The following NEDD4L variants were observed in gnomAD, a reference collection of about 807,000 sequenced individuals.
The protein encoded by NEDD4L is NEDD4 like E3 ubiquitin protein ligase.
Under a neutral mutation model 148.9 loss-of-function variants are expected in NEDD4L, and 54 were observed. The ratio of observed to expected loss-of-function variants is 0.36; its 90% CI spans 0.29 to 0.45. The LOEUF (loss-of-function observed/expected upper bound fraction) is 0.45, where lower values mean the gene tolerates loss of function less well. NEDD4L is among the 20% of genes least tolerant of loss of function. NEDD4L has a pLI of 1.00. For missense variants in NEDD4L, 856 were observed against 1,233.8 expected, an observed-to-expected ratio of 0.69 and a Z score of 4.59; for synonymous variants, 433 against 440.7, an observed-to-expected ratio of 0.98 and a Z score of 0.22.
chr18:58,289,561 C>T (rs923009617), intron 5 of NEDD4L, among the ~76,000 whole-genome samples: 4 of 152,134 alleles, frequency 2.6e-5, no homozygotes, highest in Non-Finnish European at 5.9e-5. Context: ...GCAAGCATGC[C>T]TCTCGAGGTG....
At chr18:58,075,136 G>T (rs774490544) in intron 1 of NEDD4L, among the ~76,000 whole-genome samples, 1 of 152,210 alleles carries the variant, frequency 6.6e-6, no homozygotes, top group African/African-American at 2.4e-5. Flanking sequence ...GGACCAGAAA[G>T]CGTCGTAGTA....
At chr18:58,064,211 G>A (rs1027906451) in intron 1 of NEDD4L, among the ~76,000 whole-genome samples, 2 of 151,874 alleles carry the variant, frequency 1.3e-5, no homozygotes, top group Non-Finnish European at 1.5e-5. Context: ...TGATCTGCCC[G>A]TCTCGGCTTC....
intron 9 of NEDD4L, 114 bp downstream of exon 9, chr18:58,325,276 A>G (rs770309312): frequency 3.6e-5 from 45 of 1,240,218 alleles, no homozygotes; most frequent in Non-Finnish European, 5.1e-5. Context: ...ATAAGAGCAG[A>G]TGGTGGTGTG....
At chr18:58,191,311 A>G (rs962065762) in intron 2 of NEDD4L, among the ~76,000 whole-genome samples, 4 of 152,166 alleles carry the variant, frequency 2.6e-5, no homozygotes, top group Admixed American at 1.3e-4. Context: ...AGAGACAGTA[A>G]TGCTATTTGA....
At chr18:58,071,162 A>G (rs915841873) in intron 1 of NEDD4L, among the ~76,000 whole-genome samples, 1 of 152,212 alleles carries the variant, frequency 6.6e-6, no homozygotes, top group Non-Finnish European at 1.5e-5. Context: ...TCAAATAACT[A>G]TAGGAAAGCA....
rs1250437746 is a variant in NEDD4L, at chr18:58,044,332, C to G, written c.-329C>G. 272 of 158,074 alleles carry G rather than the reference C, an allele frequency of 1.7e-3. 2 individuals carry two copies. The highest frequency in any genetic ancestry group is 2.9e-3 in the Non-Finnish European group (209 of 72,604). The allele number at this position is 158,074 out of a possible 1,614,324, so 9.8% of individuals were successfully genotyped here. A position where few individuals can be genotyped will look rare whatever the true frequency, so the allele number is the denominator to read the frequency against. Reference sequence around the variant, plus strand: ...GGAGAGCGGCGGGGCGGGAGGGAGGCGCGGGTCGCGGGGAGGGAAAGCCCG... The same window carrying G: ...GGAGAGCGGCGGGGCGGGAGGGAGGGGCGGGTCGCGGGGAGGGAAAGCCCG... On this transcript the variant is annotated 5_prime_UTR_variant, in exon 1 of 31. Coordinates refer to ENST00000400345, the MANE Select transcript of NEDD4L (RefSeq NM_001144967.3).
At chr18:58,073,406 T>A (rs960638597) in intron 1 of NEDD4L, among the ~76,000 whole-genome samples, 3 of 152,122 alleles carry the variant, frequency 2.0e-5, no homozygotes, top group African/African-American at 7.2e-5. Flanking sequence ...GCCATAGAGA[T>A]CCATGGAATT....
At chr18:58,245,974 A>G (rs1422707791) in intron 3 of NEDD4L, among the ~76,000 whole-genome samples, 1 of 151,266 alleles carries the variant, frequency 6.6e-6, no homozygotes, top group African/African-American at 2.4e-5. Context: ...CTGGGATTAC[A>G]GGTGTGAGCC....
At chr18:58,280,565 T>C (rs1465890240) in intron 5 of NEDD4L, among the ~76,000 whole-genome samples, 2 of 152,182 alleles carry the variant, frequency 1.3e-5, no homozygotes, top group African/African-American at 4.8e-5. Context: ...TTCTGTAGAC[T>C]TGTCGGTTGT....
intron 4 of NEDD4L, among the ~76,000 whole-genome samples, chr18:58,249,727 A>G (rs2047672394): frequency 6.6e-6 from 1 of 152,258 alleles, no homozygotes; most frequent in African/African-American, 2.4e-5. Flanking sequence ...CAGTATTGCC[A>G]TGAGGCCCAT....
chr18:58,074,881 A>G (rs1001609610), intron 1 of NEDD4L, among the ~76,000 whole-genome samples: 7 of 152,202 alleles, frequency 4.6e-5, no homozygotes, highest in Non-Finnish European at 1.0e-4. Context: ...TCAATATGTA[A>G]AAGATGATAG....
chr18:58,051,783 T>A (rs1326923820), intron 1 of NEDD4L, among the ~76,000 whole-genome samples: 2 of 152,224 alleles, frequency 1.3e-5, no homozygotes, highest in African/African-American at 4.8e-5. Flanking sequence ...TATATGTTGA[T>A]CTTTTGGTAG....
chr18:58,235,956 C>T (rs573225763), intron 2 of NEDD4L, among the ~76,000 whole-genome samples: 15 of 152,264 alleles, frequency 9.9e-5, no homozygotes, highest in Non-Finnish European at 1.8e-4. Flanking sequence ...TCGCTTGAAC[C>T]TGGGAGGCGG....
intron 1 of NEDD4L, among the ~76,000 whole-genome samples, chr18:58,078,476 C>A (rs945333174): frequency 2.6e-5 from 4 of 152,080 alleles, no homozygotes; most frequent in Non-Finnish European, 5.9e-5. Context: ...GAGGGGGGAC[C>A]GCTGAGGGCT....
At chr18:58,088,303 T>C (rs1025545083) in intron 1 of NEDD4L, among the ~76,000 whole-genome samples, 1 of 152,198 alleles carries the variant, frequency 6.6e-6, no homozygotes, top group African/African-American at 2.4e-5. Flanking sequence ...TACATGAGGG[T>C]GAGTCCAGGA....
chr18:58,114,837 G>C (rs1396745733), intron 1 of NEDD4L, among the ~76,000 whole-genome samples: 1 of 152,208 alleles, frequency 6.6e-6, no homozygotes, highest in Non-Finnish European at 1.5e-5. Context: ...TGCAAAGCCA[G>C]CAGAGTAGCA....
At chr18:58,131,522 G>GATTT (rs1265454113) in intron 1 of NEDD4L, among the ~76,000 whole-genome samples, 4 of 150,874 alleles carry the variant, frequency 2.7e-5, no homozygotes, top group African/African-American at 4.9e-5. Flanking sequence ...GGCTCTGTTG[G>GATTT]GGTTTGGTTG....
intron 2 of NEDD4L, among the ~76,000 whole-genome samples, chr18:58,212,594 G>A (rs1172223992): frequency 6.6e-6 from 1 of 152,178 alleles, no homozygotes; most frequent in African/African-American, 2.4e-5. Context: ...TTCAAGGTGA[G>A]ATTTGCATGG....
At chr18:58,126,370 A>C (rs1241398800) in intron 1 of NEDD4L, among the ~76,000 whole-genome samples, 1 of 152,208 alleles carries the variant, frequency 6.6e-6, no homozygotes, top group East Asian at 1.9e-4. Flanking sequence ...AATATTTTGC[A>C]TAAACGGAAT....
Sources: gnomAD v4.1 joint callset for allele counts (sites outside exome capture counted in the v4.1 genomes callset) on GRCh38, gnomAD v4.1.1 for gene constraint, MANE v1.5 for transcripts, NCBI Gene and HGNC (gene_info 2026-07-23, HGNC 2026-07-21) for gene names.